The following GP6 variants were observed in gnomAD, a reference collection of about 807,000 sequenced individuals.
GP6 encodes glycoprotein VI platelet, also known as platelet glycoprotein VI.
Under a neutral mutation model 37.3 loss-of-function variants are expected in GP6, and 45 were observed. That is an observed-to-expected ratio of 1.21 (90% CI 0.95 to 1.55). The LOEUF (loss-of-function observed/expected upper bound fraction) is 1.55. Ranked by LOEUF, GP6 falls within the 40% of genes most tolerant of loss-of-function variation. The pLI is 0.00. For synonymous variants in GP6, 340 were observed against 316.4 expected, an observed-to-expected ratio of 1.07 and a Z score of -0.79; for missense variants, 813 against 760.2, an observed-to-expected ratio of 1.07 and a Z score of -0.82.
rs2074729186 is a variant in GP6, at chr19:55,034,150, A to ATATGTG, written c.35-1613_35-1612insCACATA. ...TGTATGTATATGTATATATGTATGC[A>ATATGTG]TGTGTGTGTGTGTGTGTGTGTGTGT... On this transcript the variant is annotated intron_variant, in intron 1 of 7. Coordinates refer to ENST00000310373, the MANE Select transcript of GP6 (RefSeq NM_001083899.2). Among the ~76,000 whole-genome samples the ATATGTG allele has an allele frequency of 5.4e-5, 8 of 149,262 alleles. No homozygotes were observed. The South Asian group carries it at 1.7e-3, about 32-fold the overall frequency.
chr19:55,035,572 C>T (rs1017585359), intron 1 of GP6, among the ~76,000 whole-genome samples: 6 of 151,878 alleles, frequency 4.0e-5, no homozygotes, highest in Admixed American at 6.6e-5. Flanking sequence ...CAAAAATTAG[C>T]GGGGCGTAGT....
At chr19:55,024,265 T>TGCACGCATGCACACACAC (rs2074188703) in intron 5 of GP6, among the ~76,000 whole-genome samples, 3 of 28,316 alleles carry the variant, frequency 1.1e-4, no homozygotes, top group Admixed American at 5.9e-4. Context: ...CACGCACACA[T>TGCACGCATGCACACACAC]ATGCACGCAT....
chr19:55,023,998 G>A (rs1030081070), intron 5 of GP6, among the ~76,000 whole-genome samples: 1 of 152,240 alleles, frequency 6.6e-6, no homozygotes, highest in African/African-American at 2.4e-5. Context: ...GCCCTTGTGA[G>A]ACGGAAGAGT....
At chr19:55,037,949 G>A (rs2074900179) in intron 1 of GP6, among the ~76,000 whole-genome samples, 2 of 152,162 alleles carry the variant, frequency 1.3e-5, no homozygotes, top group South Asian at 4.1e-4. Flanking sequence ...GGCAACTGCA[G>A]TGTAGTAGAA....
chr19:55,032,714 A>G, intron 1 of GP6, 176 bp from the exon 2 acceptor site: 8 of 727,786 alleles, frequency 1.1e-5, no homozygotes, highest in Non-Finnish European at 1.7e-5. Context: ...AAAGCCACAT[A>G]GTTTATGAGG....
chr19:55,027,575 T>C lies in GP6; in HGVS notation c.610+3A>G, dbSNP rs373910879. 8.7e-6 allele frequency: 14 copies of C among 1,611,198 alleles called. No homozygotes were observed. The highest frequency in any genetic ancestry group is 1.0e-5 in the Non-Finnish European group (12 of 1,177,760). ...AGAAAGGTTTGGTCTGCACTACCCC[T>C]ACCTGTGACCACAAGCTCCAGGGGG... On this transcript the variant is annotated splice_donor_region_variant and intron_variant, in intron 4 of 7. Transcript: ENST00000310373.
rs2073737532 is a variant in GP6 at position 55,013,890 on chromosome 19, G to A, written c.*192C>T. On this transcript the variant is annotated 3_prime_UTR_variant, in exon 8 of 8. Coordinates refer to ENST00000310373, the MANE Select transcript of GP6 (RefSeq NM_001083899.2). ...AGTTTTACACTCATTAGATGGTCAA[G>A]AAATGCCTAAACGCTATAATAAATA... The A allele has an allele frequency of 2.7e-6, 1 of 365,036 alleles. No homozygotes were observed. The highest frequency in any genetic ancestry group is 5.4e-6 in the Non-Finnish European group (1 of 185,562). The allele number at this position is 365,036 out of a possible 1,614,324, so 22.6% of individuals were successfully genotyped here. A position where few individuals can be genotyped will look rare whatever the true frequency, so the allele number is the denominator to read the frequency against.
chr19:55,026,779 G>T (rs1568620087), intron 4 of GP6, among the ~76,000 whole-genome samples: 1 of 151,750 alleles, frequency 6.6e-6, no homozygotes, highest in Non-Finnish European at 1.5e-5. Flanking sequence ...CCAGCTACTC[G>T]AGAGGCTGAG....
Position 55,013,877 on chromosome 19 carries a change from A to C in GP6, c.*205T>G. ...GGCCCAGTGGTACAGTTTTACACTC[A>C]TTAGATGGTCAAGAAATGCCTAAAC... On this transcript the variant is annotated 3_prime_UTR_variant, in exon 8 of 8. Coordinates refer to ENST00000310373, the MANE Select transcript of GP6 (RefSeq NM_001083899.2). 1 of 363,686 alleles carries C rather than the reference A, an allele frequency of 2.7e-6. No homozygotes were observed. Among genetic ancestry groups the C allele is most frequent in the Non-Finnish European group, 5.4e-6 (1 of 184,906 alleles). 22.5% of individuals were successfully genotyped at this position (363,686 alleles called of 1,614,324 possible).
chr19:55,024,376 A>ACGCACACACGCACACG (rs2074226311), intron 5 of GP6, among the ~76,000 whole-genome samples: 1 of 137,474 alleles, frequency 7.3e-6, no homozygotes, highest in Non-Finnish European at 1.7e-5. Context: ...GCACGCACAC[A>ACGCACACACGCACACG]GTATGTGACC....
At chr19:55,024,722 G>T (rs2074239228) in intron 5 of GP6, among the ~76,000 whole-genome samples, 1 of 152,162 alleles carries the variant, frequency 6.6e-6, no homozygotes. Flanking sequence ...GAATGAAAAT[G>T]ACTGGATTCA....
chr19:55,034,001 G>A (rs959511236), intron 1 of GP6, among the ~76,000 whole-genome samples: 1 of 152,096 alleles, frequency 6.6e-6, no homozygotes, highest in African/African-American at 2.4e-5. Flanking sequence ...TTGAGAAGAT[G>A]GGTGTGCTAC....
At position 55,025,286 on chromosome 19, in the gene GP6, A is replaced by T; in HGVS notation, c.611-15T>A. 6.6e-7 allele frequency: 1 copy of T among 1,515,948 alleles called. No individual in the cohort carries two copies. 93.9% of individuals were successfully genotyped at this position (1,515,948 alleles called of 1,614,324 possible). On this transcript the variant is annotated splice_polypyrimidine_tract_variant and intron_variant, in intron 4 of 7. Coordinates refer to ENST00000310373, the MANE Select transcript of GP6 (RefSeq NM_001083899.2). ...CACAGAGGTTCCTGGGAAATCAGAAAATGAGATAAATCTGTGCTCTGTCGC... is the reference window on the plus strand; with the variant it reads ...CACAGAGGTTCCTGGGAAATCAGAATATGAGATAAATCTGTGCTCTGTCGC...
At position 55,032,539 on chromosome 19, in the gene GP6, C is replaced by T. The variant is rs2074606347; in HGVS notation, c.35-1G>A. On this transcript the variant is annotated splice_acceptor_variant, in intron 1 of 7. Coordinates refer to ENST00000310373, the MANE Select transcript of GP6 (RefSeq NM_001083899.2). LOFTEE classifies it high-confidence loss of function. ...GCTGGCACACGCCCCAGACACAGCC[C>T]TGAGGAAAGAAGAAAGGGACCAGAT... The T allele has an allele frequency of 6.2e-7, 1 of 1,613,738 alleles. No individual in the cohort carries two copies. Among genetic ancestry groups the T allele is most frequent in the Non-Finnish European group, 8.5e-7 (1 of 1,179,982 alleles).
At chr19:55,015,401 GA>G (rs2073835602) in intron 7 of GP6, among the ~76,000 whole-genome samples, 1 of 152,196 alleles carries the variant, frequency 6.6e-6, no homozygotes, top group East Asian at 1.9e-4. Context: ...CTCCTCCCCA[GA>G]CACAGATGCT....
chr19:55,015,210 C>T, intron 7 of GP6, 45 bp from the exon 8 acceptor site: 1 of 1,549,910 alleles, frequency 6.5e-7, no homozygotes, highest in South Asian at 1.2e-5. Context: ...GAGCCCACCT[C>T]CAGGACCCCC....
In GP6 at chr19:55,034,512, C is replaced by T. The variant is rs553376900; in HGVS notation, c.35-1974G>A. Among the ~76,000 whole-genome samples the T allele has an allele frequency of 2.4e-4, 37 of 151,392 alleles. 1 individual carries two copies. In the South Asian group the frequency reaches 4.8e-3, roughly 20 times the overall value. ...CGGAGGTTGCAGTGAGCCAAGATCACGCCACTACACTCCAGCCTGGGCAAC... is the reference window on the plus strand; with the variant it reads ...CGGAGGTTGCAGTGAGCCAAGATCATGCCACTACACTCCAGCCTGGGCAAC... On this transcript the variant is annotated intron_variant, in intron 1 of 7. Coordinates refer to ENST00000310373, the MANE Select transcript of GP6 (RefSeq NM_001083899.2).
chr19:55,013,902 C>T lies in GP6; in HGVS notation c.*180G>A, dbSNP rs542141082. 4.9e-5 allele frequency: 18 copies of T among 369,220 alleles called. No individual in the cohort carries two copies. Among genetic ancestry groups the T allele is most frequent in the Admixed American group, 2.4e-4 (7 of 28,966 alleles). 22.9% of individuals were successfully genotyped at this position (369,220 alleles called of 1,614,324 possible). A position where few individuals can be genotyped will look rare whatever the true frequency, so the allele number is the denominator to read the frequency against. On this transcript the variant is annotated 3_prime_UTR_variant, in exon 8 of 8. Transcript: ENST00000310373. Reference sequence around the variant, plus strand: ...ATTAGATGGTCAAGAAATGCCTAAACGCTATAATAAATATAGAACTTTACC... The same window carrying T: ...ATTAGATGGTCAAGAAATGCCTAAATGCTATAATAAATATAGAACTTTACC...
chr19:55,035,241 T>A (rs918846462), intron 1 of GP6, among the ~76,000 whole-genome samples: 13 of 151,762 alleles, frequency 8.6e-5, no homozygotes, highest in African/African-American at 2.9e-4. Context: ...CTTGGGAACT[T>A]ACAGGAGTAG....
Sources: allele counts gnomAD v4.1 joint callset (sites outside exome capture counted in the v4.1 genomes callset), GRCh38; gene constraint gnomAD v4.1.1; transcripts MANE v1.5; gene names NCBI Gene and HGNC (gene_info 2026-07-23, HGNC 2026-07-21).